Variants in ARPC4 observed in about 807,000 individuals in gnomAD.
ARPC4 encodes the protein actin related protein 2/3 complex subunit 4, also known as actin-related protein 2/3 complex subunit 4.
In ARPC4, 3 loss-of-function variants were observed where a neutral mutation model predicts 22.8. The ratio of observed to expected loss-of-function variants is 0.13; its 90% CI spans 0.06 to 0.34. The LOEUF (loss-of-function observed/expected upper bound fraction) is 0.34. ARPC4 is among the 10% of genes least tolerant of loss of function. The pLI, the probability that ARPC4 is intolerant of heterozygous loss-of-function variation, is 1.00. For synonymous variants in ARPC4, 80 were observed against 72.5 expected (o/e 1.10, Z -0.52); for missense variants, 98 against 211.0 (o/e 0.46, Z 3.32).
In ARPC4 at chr3:9,800,072, G is replaced by A. The variant is rs531143236; in HGVS notation, c.123-113G>A. ...CATCTTGGAGCACTCCTGCTTGTGA[G>A]TCTTCTATTCCTTGGACTCTATGGT... On this transcript the variant is annotated intron_variant, in intron 2 of 5. Coordinates refer to ENST00000397261, the MANE Select transcript of ARPC4 (RefSeq NM_005718.5). The A allele has an allele frequency of 2.0e-4, 214 of 1,044,508 alleles. 3 individuals carry two copies. The highest frequency in any genetic ancestry group is 1.7e-3 in the South Asian group (114 of 67,592). The allele number at this position is 1,044,508 out of a possible 1,614,324, so 64.7% of individuals were successfully genotyped here.
At chr3:9,798,746 C>T (rs2078947921) in intron 2 of ARPC4, among the ~76,000 whole-genome samples, 1 of 151,748 alleles carries the variant, frequency 6.6e-6, no homozygotes, top group African/African-American at 2.4e-5. Context: ...TGGTGGTATG[C>T]ACCTGTAGTC....
chr3:9,803,492 C>T (rs1193635353), intron 4 of ARPC4: 1 of 469,884 alleles, frequency 2.1e-6, no homozygotes, highest in African/African-American at 2.0e-5. Flanking sequence ...CCATCTTCCA[C>T]ATCATCTCTT....
Position 9,806,496 on chromosome 3 carries a change from G to T in ARPC4, c.*281G>T. On this transcript the variant is annotated 3_prime_UTR_variant, in exon 6 of 6. Transcript: ENST00000397261. ...TTGAAACTTAAACTCTGTGCTTGTA[G>T]GATACTGTAACCTTTTTGTCTTTTT... 1 of 506,208 alleles carries T rather than the reference G, an allele frequency of 2.0e-6. No homozygotes were observed. Among genetic ancestry groups the T allele is most frequent in the East Asian group, 3.6e-5 (1 of 28,106 alleles). 31.4% of individuals were successfully genotyped at this position (506,208 alleles called of 1,614,324 possible).
At chr3:9,800,064 G>A (rs1044459470) in intron 2 of ARPC4, 121 bp from the exon 3 acceptor site, 2 of 965,324 alleles carry the variant, frequency 2.1e-6, no homozygotes, top group Middle Eastern at 2.1e-4. Flanking sequence ...GAGCACTCCT[G>A]CTTGTGAGTC....
chr3:9,806,260 G>A lies in ARPC4; in HGVS notation c.*45G>A. The A allele has an allele frequency of 6.2e-7, 1 of 1,607,540 alleles. No individual in the cohort carries two copies. The highest frequency in any genetic ancestry group is 8.5e-7 in the Non-Finnish European group (1 of 1,174,062). On this transcript the variant is annotated 3_prime_UTR_variant, in exon 6 of 6. Transcript: ENST00000397261. ...TGGCCTTCCCCCTCAGACTACCCAT[G>A]TCTCCACGAAGGCGTCCTGGAGTCA...
At chr3:9,796,241 A>G (rs953734308) in intron 1 of ARPC4, among the ~76,000 whole-genome samples, 3 of 152,220 alleles carry the variant, frequency 2.0e-5, no homozygotes, top group African/African-American at 7.2e-5. Flanking sequence ...TAAAAATACA[A>G]AAATTAGCCA....
At chr3:9,797,023 G>C (rs548400333) in intron 1 of ARPC4, among the ~76,000 whole-genome samples, 5 of 149,534 alleles carry the variant, frequency 3.3e-5, no homozygotes, top group Admixed American at 2.0e-4. Flanking sequence ...AGTTTCTTCT[G>C]CAAATATAGA....
intron 5 of ARPC4, among the ~76,000 whole-genome samples, chr3:9,804,736 A>C (rs2079075183): frequency 1.3e-5 from 2 of 152,206 alleles, no homozygotes; most frequent in African/African-American, 4.8e-5. Flanking sequence ...GTACATACCC[A>C]GTCCAGAAGG....
intron 1 of ARPC4, among the ~76,000 whole-genome samples, chr3:9,795,122 C>T (rs1465017714): frequency 6.6e-6 from 1 of 152,118 alleles, no homozygotes; most frequent in Non-Finnish European, 1.5e-5. Flanking sequence ...TCTACTGCCT[C>T]AGCCTCTCAA....
At chr3:9,799,825 C>CT in intron 2 of ARPC4, 1 of 465,528 alleles carries the variant, frequency 2.1e-6, no homozygotes, top group South Asian at 1.6e-5. Flanking sequence ...TGTAAAGCTC[C>CT]TACTATGTGC....
At chr3:9,793,314 C>T (rs1575315767) in intron 1 of ARPC4, 190 bp downstream of exon 1, 3 of 1,169,960 alleles carry the variant, frequency 2.6e-6, no homozygotes. Context: ...TGGGGGTACT[C>T]CCTGGTATGA....
intron 5 of ARPC4, 103 bp from the exon 6 acceptor site, chr3:9,806,107 A>T: frequency 7.4e-7 from 1 of 1,348,690 alleles, no homozygotes. Flanking sequence ...CCCCTCACAG[A>T]TATGAGCACA....
intron 5 of ARPC4, among the ~76,000 whole-genome samples, chr3:9,804,875 T>C (rs2079077577): frequency 6.6e-6 from 1 of 152,240 alleles, no homozygotes. Flanking sequence ...CACTCGGCTA[T>C]GGAGGCAACC....
At position 9,793,118 on chromosome 3, in the gene ARPC4, C is replaced by A. The variant is rs1289261043; in HGVS notation, c.-4C>A. The A allele has an allele frequency of 4.5e-6, 7 of 1,543,892 alleles. No homozygotes were observed. Among genetic ancestry groups the A allele is most frequent in the Admixed American group, 2.0e-5 (1 of 50,294 alleles). On this transcript the variant is annotated 5_prime_UTR_variant, in exon 1 of 6. Transcript: ENST00000397261. ...TCCGCTTTCCGGCCCAGCCAGCGCC[C>A]GCGATGGTGAGAGAGCCGGGCCCCC...
intron 3 of ARPC4, 33 bp downstream of exon 3, chr3:9,800,329 G>T: frequency 6.2e-7 from 1 of 1,604,666 alleles, no homozygotes; most frequent in South Asian, 1.1e-5. Context: ...CCAACGTAAG[G>T]CCTCTTTCAG....
At chr3:9,793,437 C>T (rs779579888) in intron 1 of ARPC4, among the ~76,000 whole-genome samples, 1 of 152,258 alleles carries the variant, frequency 6.6e-6, no homozygotes, top group South Asian at 2.1e-4. Flanking sequence ...TTCGAGGGTA[C>T]GTAGTCGGCC....
chr3:9,801,511 C>A, intron 3 of ARPC4, 150 bp from the exon 4 acceptor site: 1 of 663,566 alleles, frequency 1.5e-6, no homozygotes, highest in African/African-American at 1.8e-5. Context: ...AGTTGACAGC[C>A]AGGTCCCCCA....
At chr3:9,803,551 G>C in intron 4 of ARPC4, 1 of 556,596 alleles carries the variant, frequency 1.8e-6, no homozygotes, top group South Asian at 1.5e-5. Flanking sequence ...TCTGTAACAA[G>C]ACTTCAAGTT....
upstream of ARPC4, chr3:9,792,714 G>A: frequency 8.1e-7 from 1 of 1,234,602 alleles, no homozygotes; most frequent in Non-Finnish European, 1.0e-6. Context: ...GGGTAGGAGG[G>A]GCGAGAGAAA....
Sources: gnomAD v4.1 joint callset for allele counts (sites outside exome capture counted in the v4.1 genomes callset) on GRCh38, gnomAD v4.1.1 for gene constraint, MANE v1.5 for transcripts, NCBI Gene and HGNC (gene_info 2026-07-23, HGNC 2026-07-21) for gene names.